The following RARB variants were observed in gnomAD, a reference collection of about 807,000 sequenced individuals.
RARB encodes the protein retinoic acid receptor beta, also known as HBV-activated protein.
In RARB, 17 loss-of-function variants were observed where a neutral mutation model predicts 51.9. That is an observed-to-expected ratio of 0.33 (90% CI 0.22 to 0.49). The LOEUF is 0.49. Ranked by LOEUF, RARB falls within the 20% of genes least tolerant of loss-of-function variation. The pLI, the probability that RARB is intolerant of heterozygous loss-of-function variation, is 0.99. For missense variants in RARB, 369 were observed against 550.8 expected (o/e 0.67, Z 3.30); for synonymous variants, 215 against 195.4 (o/e 1.10, Z -0.84).
intron 5 of RARB, among the ~76,000 whole-genome samples, chr3:25,249,031 G>A (rs958861539): frequency 6.6e-6 from 1 of 152,046 alleles, no homozygotes; most frequent in Non-Finnish European, 1.5e-5. Flanking sequence ...GGTTTTCTGT[G>A]TCTTTCATTT....
At position 25,308,429 on chromosome 3, in the gene RARB, T is replaced by A. The variant is rs570608315; in HGVS notation, c.178+133854T>A. ...TTAAAAATTATTGTCATTTTCTCCC[T>A]GACTGGTTTTCTTTCTTTCTTTTTT... On this transcript the variant is annotated intron_variant, in intron 5 of 11. Transcript: ENST00000383772. 2.0e-5 allele frequency among the ~76,000 whole-genome samples: 3 copies of A among 151,126 alleles called. No individual in the cohort carries two copies. The South Asian group carries it at 6.3e-4, about 32-fold the overall frequency.
At chr3:25,255,664 T>C (rs1575262025) in intron 5 of RARB, among the ~76,000 whole-genome samples, 1 of 151,384 alleles carries the variant, frequency 6.6e-6, no homozygotes, top group East Asian at 1.9e-4. Context: ...TTTTAGTCTT[T>C]GATTGTAGAG....
At chr3:24,942,147 T>A (rs1286139221) in intron 2 of RARB, among the ~76,000 whole-genome samples, 1 of 152,226 alleles carries the variant, frequency 6.6e-6, no homozygotes, top group African/African-American at 2.4e-5. Context: ...TATTATGCGG[T>A]AAAACTGGGA....
chr3:25,484,776 C>A (rs1000922563), intron 2 of RARB, among the ~76,000 whole-genome samples: 1 of 152,098 alleles, frequency 6.6e-6, no homozygotes, highest in African/African-American at 2.4e-5. Context: ...TTATAGAAAT[C>A]TGCCAACCCC....
chr3:25,286,368 G>A (rs1263050787), intron 5 of RARB, among the ~76,000 whole-genome samples: 8 of 152,120 alleles, frequency 5.3e-5, no homozygotes, highest in South Asian at 4.1e-4. Flanking sequence ...GATTACAGGC[G>A]TGAGACACTG....
At chr3:24,846,324 A>T (rs1702485343) in intron 1 of RARB, among the ~76,000 whole-genome samples, 1 of 152,214 alleles carries the variant, frequency 6.6e-6, no homozygotes, top group African/African-American at 2.4e-5. Context: ...TATTTAAGAC[A>T]ATATCTGGCA....
intron 3 of RARB, among the ~76,000 whole-genome samples, chr3:25,568,378 A>G (rs1245198382): frequency 6.6e-6 from 1 of 152,142 alleles, no homozygotes; most frequent in Non-Finnish European, 1.5e-5. Context: ...ATCAAGTGAG[A>G]TACCGTGATA....
intron 5 of RARB, among the ~76,000 whole-genome samples, chr3:25,354,065 G>C (rs1260976195): frequency 1.4e-5 from 2 of 138,464 alleles, no homozygotes; most frequent in Non-Finnish European, 1.5e-5. Context: ...AATAGTTAAG[G>C]ATACTTGATT....
At chr3:25,169,664 A>T (rs1049153590) in intron 4 of RARB, among the ~76,000 whole-genome samples, 1 of 152,140 alleles carries the variant, frequency 6.6e-6, no homozygotes, top group Non-Finnish European at 1.5e-5. Flanking sequence ...TAAGAGAGTT[A>T]TATCATATTT....
chr3:24,898,346 TAATA>T (rs754612361), intron 2 of RARB, among the ~76,000 whole-genome samples: 32 of 149,950 alleles, frequency 2.1e-4, no homozygotes, highest in Middle Eastern at 3.6e-3. Context: ...GTATATTATA[TAATA>T]AATAGGAATA....
chr3:25,340,593 CT>C (rs1183472761), intron 5 of RARB, among the ~76,000 whole-genome samples: 1 of 152,140 alleles, frequency 6.6e-6, no homozygotes, highest in Non-Finnish European at 1.5e-5. Context: ...CAAGTGAGGA[CT>C]TTTTTTCTCC....
chr3:25,000,807 C>A (rs1216545756), intron 2 of RARB, among the ~76,000 whole-genome samples: 1 of 152,132 alleles, frequency 6.6e-6, no homozygotes, highest in Non-Finnish European at 1.5e-5. Flanking sequence ...ACAGTTCACA[C>A]CAGCTTACTT....
intron 5 of RARB, among the ~76,000 whole-genome samples, chr3:25,287,640 A>C (rs2885837): frequency 0.045 from 6,916 of 152,302 alleles, 185 homozygotes; most frequent in Middle Eastern, 0.071. Flanking sequence ...TATGGGTTTC[A>C]AAGAATTTAA....
chr3:24,871,340 G>A (rs1231563958), intron 2 of RARB, among the ~76,000 whole-genome samples: 1 of 152,104 alleles, frequency 6.6e-6, no homozygotes, highest in East Asian at 1.9e-4. Context: ...CAATCAAATG[G>A]TCAATTCTCA....
At chr3:25,282,480 C>G (rs1038451142) in intron 5 of RARB, among the ~76,000 whole-genome samples, 2 of 151,960 alleles carry the variant, frequency 1.3e-5, no homozygotes, top group African/African-American at 4.8e-5. Flanking sequence ...TTTCATAGCA[C>G]TTTTTATGAT....
At chr3:25,105,110 G>T (rs1580817) in intron 3 of RARB, among the ~76,000 whole-genome samples, 135,657 of 152,252 alleles carry the variant, frequency 0.89, 60,767 homozygotes, top group African/African-American at 0.97. Context: ...TTCAAACATT[G>T]TTACGCTAAA....
intron 2 of RARB, among the ~76,000 whole-genome samples, chr3:24,948,594 A>C (rs1695823804): frequency 6.6e-6 from 1 of 152,038 alleles, no homozygotes; most frequent in African/African-American, 2.4e-5. Context: ...TTCCCTACCT[A>C]TTCCCCATGG....
chr3:25,090,215 A>G (rs1241502688), intron 3 of RARB, among the ~76,000 whole-genome samples: 2 of 152,136 alleles, frequency 1.3e-5, no homozygotes, highest in Non-Finnish European at 2.9e-5. Flanking sequence ...AAAGAACTTC[A>G]TTCAAAATAA....
intron 2 of RARB, among the ~76,000 whole-genome samples, chr3:24,914,963 G>C (rs1270655937): frequency 2.0e-5 from 3 of 152,180 alleles, no homozygotes; most frequent in Admixed American, 6.5e-5. Flanking sequence ...CCTTGACTTT[G>C]CAGGATGGAC....
Sources: gnomAD v4.1 joint callset for allele counts (sites outside exome capture counted in the v4.1 genomes callset) on GRCh38, gnomAD v4.1.1 for gene constraint, MANE v1.5 for transcripts, NCBI Gene and HGNC (gene_info 2026-07-23, HGNC 2026-07-21) for gene names.